PTBP3: variants seen among roughly 807,000 people sequenced by gnomAD.
The protein encoded by PTBP3 is polypyrimidine tract-binding protein 3.
A neutral mutation model predicts 58.7 loss-of-function variants in PTBP3; 20 were observed. The observed-to-expected ratio is 0.34, with a 90% CI of 0.24 to 0.50. The LOEUF is 0.50. Ranked by LOEUF, PTBP3 falls within the 20% of genes least tolerant of loss-of-function variation. PTBP3 has a pLI of 0.98. For synonymous variants in PTBP3, 185 were observed against 219.8 expected, an observed-to-expected ratio of 0.84 and a Z score of 1.40; for missense variants, 509 against 637.2, an observed-to-expected ratio of 0.80 and a Z score of 2.17.
intron 1 of PTBP3, among the ~76,000 whole-genome samples, chr9:112,318,571 C>A (rs888088638): frequency 1.3e-5 from 2 of 151,800 alleles, no homozygotes; most frequent in African/African-American, 4.8e-5. Context: ...ACCAGCTTGG[C>A]CAATATGGTG....
rs922133361 is a variant in PTBP3, at chr9:112,221,266, TAC to T, written c.*2583_*2584del. ...GTGTATTTATGTATATACACTTATC[TAC>T]ACACACACACATTCACACACACACA... On this transcript the variant is annotated 3_prime_UTR_variant, in exon 14 of 14. Coordinates refer to ENST00000374257, the MANE Select transcript of PTBP3 (RefSeq NM_001163788.4). 4.6e-5 allele frequency: 45 copies of T among 982,720 alleles called. No individual in the cohort carries two copies. The highest frequency in any genetic ancestry group is 3.3e-4 in the South Asian group (7 of 21,226). The allele number at this position is 982,720 out of a possible 1,614,324, so 60.9% of individuals were successfully genotyped here.
intron 1 of PTBP3, among the ~76,000 whole-genome samples, chr9:112,307,176 G>C (rs1829255945): frequency 6.6e-6 from 1 of 152,202 alleles, no homozygotes. Context: ...ATATTTGCCA[G>C]GCGCGGTGGC....
At chr9:112,301,587 C>T (rs1394826200) in intron 1 of PTBP3, among the ~76,000 whole-genome samples, 1 of 152,008 alleles carries the variant, frequency 6.6e-6, no homozygotes, top group Non-Finnish European at 1.5e-5. Context: ...TAGTGGTTGC[C>T]AGGAGATAGA....
intron 1 of PTBP3, among the ~76,000 whole-genome samples, chr9:112,303,179 T>G (rs1406100319): frequency 1.3e-5 from 2 of 152,208 alleles, no homozygotes; most frequent in African/African-American, 4.8e-5. Context: ...TTATTCTGCA[T>G]CTTTTTATGA....
intron 5 of PTBP3, among the ~76,000 whole-genome samples, chr9:112,259,162 A>G (rs1836491882): frequency 6.6e-6 from 1 of 152,170 alleles, no homozygotes; most frequent in South Asian, 2.1e-4. Context: ...CATGTTGCCC[A>G]GGCTGGTCTT....
In PTBP3 at chr9:112,308,343, C is replaced by T. The variant is rs1277222211; in HGVS notation, c.-51-10427G>A. Among the ~76,000 whole-genome samples, 24 of 116,340 alleles carry T rather than the reference C, an allele frequency of 2.1e-4. 2 individuals are homozygous for T. In the South Asian group the frequency reaches 7.3e-3, roughly 35 times the overall value. 76.3% of individuals were successfully genotyped at this position (116,340 alleles called of 152,430 possible). ...CACCTGGCCAATGTTAAACCTACTCCTTTTATTTAAAAAAAAAAAAAAAAA... is the reference window on the plus strand; with the variant it reads ...CACCTGGCCAATGTTAAACCTACTCTTTTTATTTAAAAAAAAAAAAAAAAA... On this transcript the variant is annotated intron_variant, in intron 1 of 13. Coordinates refer to ENST00000374257, the MANE Select transcript of PTBP3 (RefSeq NM_001163788.4).
At chr9:112,358,773 A>G in the PTBP3 span, among the ~76,000 whole-genome samples, 1 of 152,188 alleles carries the variant, frequency 6.6e-6, no homozygotes, top group Non-Finnish European at 1.5e-5. Context: ...AAAAAATGTC[A>G]ATCACAAATG....
At position 112,223,595 on chromosome 9, in the gene PTBP3, A is replaced by G; in HGVS notation, c.*256T>C. ...TAGGGAATAAGATTATTGAAAAAAA[A>G]TTTTTTTCCTGATTTTCTTTTTCCT... On this transcript the variant is annotated 3_prime_UTR_variant, in exon 14 of 14. Transcript: ENST00000374257. The G allele has an allele frequency of 8.6e-7, 1 of 1,157,096 alleles. No homozygotes were observed. Among genetic ancestry groups the G allele is most frequent in the Non-Finnish European group, 1.1e-6 (1 of 925,222 alleles). The allele number at this position is 1,157,096 out of a possible 1,614,324, so 71.7% of individuals were successfully genotyped here.
chr9:112,335,848 G>T (rs1830573343), upstream of PTBP3, among the ~76,000 whole-genome samples: 1 of 146,518 alleles, frequency 6.8e-6, no homozygotes, highest in African/African-American at 2.5e-5. Flanking sequence ...TCTCAACCCG[G>T]TAAGCAGAGG....
At chr9:112,255,653 A>G (rs192034527) in intron 5 of PTBP3, among the ~76,000 whole-genome samples, 113 of 152,240 alleles carry the variant, frequency 7.4e-4, no homozygotes, top group African/African-American at 2.6e-3. Context: ...TTCATATAAC[A>G]TAACACTCTT....
Position 112,226,760 on chromosome 9 carries a change from C to T in PTBP3, c.1364+651G>A, listed in dbSNP as rs75557592. Among the ~76,000 whole-genome samples, 715 of 152,248 alleles carry T rather than the reference C, an allele frequency of 4.7e-3. 5 individuals carry two copies. The highest frequency in any genetic ancestry group is 0.015 in the African/African-American group (611 of 41,546). ...ATATTACACGAAACTTTATAAAAGG[C>T]GAATTTTGAATTTTATATAATTTTC... is the stretch of plus-strand genomic sequence containing the variant. On this transcript the variant is annotated intron_variant, in intron 12 of 13. Coordinates refer to ENST00000374257, the MANE Select transcript of PTBP3 (RefSeq NM_001163788.4).
chr9:112,243,989 ATAAAAG>A (rs908033656), intron 7 of PTBP3, among the ~76,000 whole-genome samples: 2 of 152,128 alleles, frequency 1.3e-5, no homozygotes, highest in Admixed American at 6.5e-5. Flanking sequence ...GCCATGTAAA[ATAAAAG>A]TAAAAGTAAG....
intron 1 of PTBP3, among the ~76,000 whole-genome samples, chr9:112,311,247 T>C (rs1829461429): frequency 6.6e-6 from 1 of 152,044 alleles, no homozygotes; most frequent in South Asian, 2.1e-4. Context: ...GGGTTCTGCA[T>C]CTGTAGATTC....
chr9:112,377,244 C>T, the PTBP3 span, among the ~76,000 whole-genome samples: 2 of 152,118 alleles, frequency 1.3e-5, no homozygotes, highest in African/African-American at 2.4e-5. Context: ...GGCACATGCC[C>T]GTGGTCCTGG....
intron 1 of PTBP3, among the ~76,000 whole-genome samples, chr9:112,310,757 G>T (rs1182006505): frequency 2.0e-5 from 3 of 152,198 alleles, no homozygotes; most frequent in Admixed American, 6.6e-5. Flanking sequence ...ATTTCAAATA[G>T]GACAGCAAGG....
At chr9:112,252,862 G>C in intron 5 of PTBP3, 74 bp from the exon 6 acceptor site, 1 of 875,310 alleles carries the variant, frequency 1.1e-6, no homozygotes, top group Non-Finnish European at 1.8e-6. Context: ...AATACAACTT[G>C]TTCATAAATC....
At position 112,220,516 on chromosome 9, in the gene PTBP3, C is replaced by G; in HGVS notation, c.*3335G>C. On this transcript the variant is annotated 3_prime_UTR_variant, in exon 14 of 14. Coordinates refer to ENST00000374257, the MANE Select transcript of PTBP3 (RefSeq NM_001163788.4). ...TCACTGTCATAAGGGAACAGGCAGGCATAAATGATATCTCCAAAAACTGAG... is the reference window on the plus strand; with the variant it reads ...TCACTGTCATAAGGGAACAGGCAGGGATAAATGATATCTCCAAAAACTGAG... The G allele has an allele frequency of 9.7e-7, 1 of 1,031,004 alleles. No homozygotes were observed. The highest frequency in any genetic ancestry group is 3.3e-5 in the South Asian group (1 of 30,486). 63.9% of individuals were successfully genotyped at this position (1,031,004 alleles called of 1,614,324 possible).
At chr9:112,368,665 TC>T in the PTBP3 span, among the ~76,000 whole-genome samples, 2 of 152,184 alleles carry the variant, frequency 1.3e-5, no homozygotes, top group African/African-American at 4.8e-5. Flanking sequence ...ATTGATGTTT[TC>T]CCAAAGGGAT....
At chr9:112,360,359 A>AT in the PTBP3 span, among the ~76,000 whole-genome samples, 13 of 151,160 alleles carry the variant, frequency 8.6e-5, no homozygotes, top group Admixed American at 4.0e-4. Flanking sequence ...TAATTTTTAA[A>AT]TTTTTTTTTG....
Sources: allele counts gnomAD v4.1 joint callset (sites outside exome capture counted in the v4.1 genomes callset), GRCh38; gene constraint gnomAD v4.1.1; transcripts MANE v1.5; gene names NCBI Gene and HGNC (gene_info 2026-07-23, HGNC 2026-07-21).